STX18: variants seen among roughly 807,000 people sequenced by gnomAD.
STX18 encodes syntaxin 18.
A neutral mutation model predicts 50.1 loss-of-function variants in STX18; 40 were observed. The observed-to-expected ratio is 0.80, with a 90% confidence interval of 0.62 to 1.04. STX18 has a LOEUF of 1.04. STX18 is among the 50% of genes least tolerant of loss of function. The pLI is 0.00. For synonymous variants in STX18, 158 were observed against 151.8 expected (o/e 1.04, Z -0.30); for missense variants, 410 against 415.8 (o/e 0.99, Z 0.12).
In STX18 at chr4:4,496,407, C is replaced by A. The variant is rs972224524; in HGVS notation, c.169-24701G>T. Among the ~76,000 whole-genome samples the A allele has an allele frequency of 5.9e-5, 9 of 152,254 alleles. No homozygotes were observed. In the South Asian group the frequency reaches 6.2e-4, roughly 11 times the overall value. Reference sequence around the variant, plus strand: ...TCCTGCTGAACCACTGCAGCCAACCCGCCATCAAGTCCTCCAGCTTCTACA... The same window carrying A: ...TCCTGCTGAACCACTGCAGCCAACCAGCCATCAAGTCCTCCAGCTTCTACA... On this transcript the variant is annotated intron_variant, in intron 1 of 10. Transcript: ENST00000306200.
intron 1 of STX18, among the ~76,000 whole-genome samples, chr4:4,540,895 C>T (rs1204923334): frequency 6.6e-6 from 1 of 152,152 alleles, no homozygotes; most frequent in Non-Finnish European, 1.5e-5. Flanking sequence ...GAGGCTTAAG[C>T]TTTAGGGTCC....
chr4:4,421,742 G>A (rs1242023738), intron 9 of STX18, among the ~76,000 whole-genome samples: 1 of 152,114 alleles, frequency 6.6e-6, no homozygotes, highest in African/African-American at 2.4e-5. Context: ...TATGTGCTTC[G>A]AAATACATAT....
chr4:4,459,545 G>A (rs1727268897), intron 2 of STX18, 58 bp from the exon 3 acceptor site: 2 of 1,289,218 alleles, frequency 1.6e-6, no homozygotes, highest in African/African-American at 1.5e-5. Context: ...TATAGTCTGA[G>A]TGGGATGGGA....
intron 7 of STX18, chr4:4,425,570 T>G (rs1725205263): frequency 2.8e-6 from 1 of 351,892 alleles, no homozygotes; most frequent in South Asian, 4.9e-5. Context: ...ATTAAGAAAA[T>G]TCTTTTGTTG....
intron 1 of STX18, among the ~76,000 whole-genome samples, chr4:4,480,863 A>C (rs1728426000): frequency 6.6e-6 from 1 of 152,196 alleles, no homozygotes; most frequent in East Asian, 1.9e-4. Context: ...ATCTGGAATC[A>C]AAGGATTAAT....
intron 1 of STX18, among the ~76,000 whole-genome samples, chr4:4,487,377 T>C (rs1352559971): frequency 6.6e-6 from 1 of 152,214 alleles, no homozygotes; most frequent in Admixed American, 6.5e-5. Flanking sequence ...TAAATCATAT[T>C]GAACATTTAG....
intron 2 of STX18, among the ~76,000 whole-genome samples, chr4:4,464,835 T>G (rs1199732385): frequency 6.6e-6 from 1 of 152,280 alleles, no homozygotes; most frequent in African/African-American, 2.4e-5. Flanking sequence ...TCTATCTCAT[T>G]AATTTTTTGC....
chr4:4,526,288 T>C (rs1047680150), intron 1 of STX18, among the ~76,000 whole-genome samples: 2 of 152,162 alleles, frequency 1.3e-5, no homozygotes, highest in African/African-American at 4.8e-5. Flanking sequence ...GGAGAGAAAG[T>C]GCAGGTGCTT....
chr4:4,448,754 C>A (rs1726575061), intron 5 of STX18, among the ~76,000 whole-genome samples: 1 of 152,198 alleles, frequency 6.6e-6, no homozygotes. Flanking sequence ...AAGTGCCTGG[C>A]ATGAAGCCTG....
rs764862944 is a variant in STX18 at position 4,541,937 on chromosome 4, G to C, written c.28C>G (p.Arg10Gly). 7 of 1,607,526 alleles carry C rather than the reference G, an allele frequency of 4.4e-6. No individual in the cohort carries two copies. Among genetic ancestry groups the C allele is most frequent in the Non-Finnish European group, 5.1e-6 (6 of 1,177,752 alleles). ...GTCTTCACGGTCTTGACGCTGGCCC[G>C]GAATAGCAGCGTGATGTCCACCGCC... Reference protein sequence around the residue: MAVDITLLFRASVKTVKTRN... With the variant: MAVDITLLFGASVKTVKTRN... Residue 10 changes from arginine to glycine, a missense_variant, in exon 1 of 11, where the codon CGG becomes GGG. By Grantham distance (125) the Arg-to-Gly change is moderately radical. Transcript: ENST00000306200.
At position 4,428,154 on chromosome 4, in the gene STX18, G is replaced by A. The variant is rs572736087; in HGVS notation, c.703-2932C>T. On this transcript the variant is annotated intron_variant, in intron 7 of 10. Transcript: ENST00000306200. ...CAAACCTGTGTGCCTCCCTTCGTCT[G>A]TTGCCAGGTGGCAGGCATAGTGGTG... Among the ~76,000 whole-genome samples the A allele has an allele frequency of 3.3e-5, 5 of 152,342 alleles. No homozygotes were observed. In the East Asian group the frequency reaches 7.7e-4, roughly 24 times the overall value.
chr4:4,457,920 C>T (rs1577340654), intron 3 of STX18, among the ~76,000 whole-genome samples: 1 of 152,172 alleles, frequency 6.6e-6, no homozygotes, highest in East Asian at 1.9e-4. Flanking sequence ...CTTGGCCACT[C>T]ACATTCTAAG....
At chr4:4,508,300 T>C (rs1729826572) in intron 1 of STX18, among the ~76,000 whole-genome samples, 1 of 152,196 alleles carries the variant, frequency 6.6e-6, no homozygotes, top group South Asian at 2.1e-4. Context: ...TTCTCTAGAA[T>C]ACAACAACCT....
chr4:4,420,473 C>G lies in STX18; in HGVS notation c.913-344G>C. 2.5e-6 allele frequency: 1 copy of G among 396,104 alleles called. No individual in the cohort carries two copies. Among genetic ancestry groups the G allele is most frequent in the Non-Finnish European group, 4.6e-6 (1 of 216,150 alleles). The allele number at this position is 396,104 out of a possible 1,614,324, so 24.5% of individuals were successfully genotyped here. The stretch of plus-strand genomic sequence containing the variant: ...GTCCGTGGTGACCCAACCCTGAGGA[C>G]TGAGCTTGGGAAACAGTCCCCTCAA... On this transcript the variant is annotated intron_variant, in intron 10 of 10. Coordinates refer to ENST00000306200, the MANE Select transcript of STX18 (RefSeq NM_016930.4). This position sits in a 1 kb window ranked among gnomAD's most constrained non-coding sequence, Gnocchi z 4.3.
At chr4:4,498,746 G>A (rs1415859507) in intron 1 of STX18, among the ~76,000 whole-genome samples, 1 of 152,090 alleles carries the variant, frequency 6.6e-6, no homozygotes, top group Non-Finnish European at 1.5e-5. Context: ...AAATCAAATA[G>A]CAAAGCAGTT....
chr4:4,528,836 T>C (rs997248225), intron 1 of STX18, among the ~76,000 whole-genome samples: 38 of 152,176 alleles, frequency 2.5e-4, no homozygotes, highest in Admixed American at 3.3e-4. Context: ...TTTGCCTCAA[T>C]TGGGCAATTC....
chr4:4,541,672 T>A, intron 1 of STX18, 125 bp downstream of exon 1: 2 of 1,099,990 alleles, frequency 1.8e-6, no homozygotes, highest in Non-Finnish European at 2.5e-6. Flanking sequence ...GGCCAACTCT[T>A]CTGTCCCCCT....
At chr4:4,455,324 G>C (rs1243284610) in intron 5 of STX18, among the ~76,000 whole-genome samples, 1 of 152,204 alleles carries the variant, frequency 6.6e-6, no homozygotes, top group East Asian at 1.9e-4. Context: ...CCCTCTCAGT[G>C]CATTATATAA....
intron 1 of STX18, among the ~76,000 whole-genome samples, chr4:4,511,181 T>G (rs1339295639): frequency 6.6e-6 from 1 of 151,966 alleles, no homozygotes; most frequent in East Asian, 1.9e-4. Flanking sequence ...TTTAAAACAT[T>G]TAAAAAAAGA....
Sources: gnomAD v4.1 joint callset for allele counts (sites outside exome capture counted in the v4.1 genomes callset) on GRCh38, gnomAD v4.1.1 for gene constraint, Gnocchi (gnomAD v3.1) non-coding constraint, MANE v1.5 for transcripts, NCBI Gene and HGNC (gene_info 2026-07-23, HGNC 2026-07-21) for gene names.